The following TLR6 variants were observed in gnomAD, a reference collection of about 807,000 sequenced individuals.
The protein encoded by TLR6 is toll-like receptor 6.
Under a neutral mutation model 16.1 loss-of-function variants are expected in TLR6, and 9 were observed. The ratio of observed to expected loss-of-function variants is 0.56; its 90% confidence interval spans 0.34 to 0.98. The LOEUF (loss-of-function observed/expected upper bound fraction) is 0.98, where lower values mean the gene tolerates loss of function less well. TLR6 is among the 50% of genes least tolerant of loss of function. The probability of loss-of-function intolerance (pLI) is 0.02; values close to 1 mark genes in which losing one functional copy is unlikely to be tolerated. For synonymous variants in TLR6, 340 were observed against 338.6 expected (o/e 1.00, Z -0.04); for missense variants, 786 against 921.0 (o/e 0.85, Z 1.90).
chr4:38,849,676 A>G (rs1712687049), intron 1 of TLR6, among the ~76,000 whole-genome samples: 1 of 152,034 alleles, frequency 6.6e-6, no homozygotes, highest in South Asian at 2.1e-4. Flanking sequence ...CAAAAGAGAC[A>G]AAGAAGGCCA....
intron 1 of TLR6, 55 bp from the exon 2 acceptor site, chr4:38,829,592 C>A (rs1457134046): frequency 1.6e-6 from 1 of 631,914 alleles, no homozygotes; most frequent in Admixed American, 2.8e-5. Flanking sequence ...ACTCTCAAAC[C>A]TCCACTTACT....
At chr4:38,837,775 C>T (rs1364052573) in intron 1 of TLR6, among the ~76,000 whole-genome samples, 1 of 152,086 alleles carries the variant, frequency 6.6e-6, no homozygotes, top group East Asian at 1.9e-4. Context: ...AACTTCTACA[C>T]AGCACAGGAA....
chr4:38,851,099 C>A (rs1430482580), intron 1 of TLR6, among the ~76,000 whole-genome samples: 2 of 152,240 alleles, frequency 1.3e-5, no homozygotes, highest in East Asian at 3.9e-4. Flanking sequence ...TAAATGTAAT[C>A]CAGCATATAA....
At chr4:38,824,518 C>G (rs943515625) in exon 2 of TLR6, 1 of 152,090 alleles carries the variant, frequency 6.6e-6, no homozygotes, top group African/African-American at 2.4e-5. Context: ...ACATTGATAC[C>G]ATTTAAAAAG....
chr4:38,822,944 G>A (rs1727388694), downstream of TLR6, among the ~76,000 whole-genome samples: 1 of 152,196 alleles, frequency 6.6e-6, no homozygotes, highest in Non-Finnish European at 1.5e-5. Context: ...ACAGAGCTGG[G>A]GAAGCCTCAC....
At chr4:38,867,300 T>C in the TLR6 span, among the ~76,000 whole-genome samples, 1 of 152,350 alleles carries the variant, frequency 6.6e-6, no homozygotes, top group South Asian at 2.1e-4. Flanking sequence ...GTGGAATTCC[T>C]AGGCCAAAGC....
the TLR6 span, chr4:38,868,113 A>G: frequency 3.6e-6 from 1 of 274,814 alleles, no homozygotes. Context: ...ACACACCCAC[A>G]CGCCCACACT....
intron 1 of TLR6, among the ~76,000 whole-genome samples, chr4:38,852,699 T>TG (rs1712817898): frequency 6.6e-6 from 1 of 151,016 alleles, no homozygotes; most frequent in African/African-American, 2.4e-5. Flanking sequence ...TCACACCAGT[T>TG]AGAATGGCGA....
intron 1 of TLR6, among the ~76,000 whole-genome samples, chr4:38,844,712 A>C (rs1360109729): frequency 6.6e-6 from 1 of 152,254 alleles, no homozygotes; most frequent in African/African-American, 2.4e-5. Flanking sequence ...AGAAATTATA[A>C]AAGTCATATT....
At position 38,853,147 on chromosome 4, in the gene TLR6, G is replaced by A. The variant is rs531756235; in HGVS notation, c.-65+3614C>T. On this transcript the variant is annotated intron_variant, in intron 1 of 1. Transcript: ENST00000436693. ...TCGCAAGGACAAAAAACCAAACACCGCATGTTCTCACTCATAGGTGGGAAA... is the reference window on the plus strand; with the variant it reads ...TCGCAAGGACAAAAAACCAAACACCACATGTTCTCACTCATAGGTGGGAAA... Among the ~76,000 whole-genome samples, 7 of 147,138 alleles carry A rather than the reference G, an allele frequency of 4.8e-5. No homozygotes were observed. The South Asian group carries it at 1.5e-3, about 32-fold the overall frequency.
chr4:38,867,402 A>C, the TLR6 span, among the ~76,000 whole-genome samples: 23 of 152,296 alleles, frequency 1.5e-4, no homozygotes, highest in African/African-American at 5.5e-4. Context: ...TTTTAAATCT[A>C]TCACACTCCC....
the TLR6 span, chr4:38,867,968 T>C: frequency 2.9e-6 from 1 of 348,776 alleles, no homozygotes. Context: ...CCCTCTGCGT[T>C]AGTGAGAAGC....
chr4:38,838,944 G>T (rs1712083187), intron 1 of TLR6, among the ~76,000 whole-genome samples: 1 of 128,968 alleles, frequency 7.8e-6, no homozygotes. Flanking sequence ...AAGGAAGGAA[G>T]GGAGGAAGGA....
exon 2 of TLR6, chr4:38,829,307 A>G: frequency 1.9e-6 from 3 of 1,614,138 alleles, no homozygotes; most frequent in Non-Finnish European, 2.5e-6. Flanking sequence ...CATATCTAAG[A>G]CTTTGGTTTT....
chr4:38,856,499 C>CA, intron 1 of TLR6, among the ~76,000 whole-genome samples: 1 of 152,136 alleles, frequency 6.6e-6, no homozygotes, highest in East Asian at 1.9e-4. Flanking sequence ...AAATAAATAA[C>CA]ATTAGTTTTG....
intron 1 of TLR6, among the ~76,000 whole-genome samples, chr4:38,837,612 G>A (rs891205804): frequency 6.6e-6 from 1 of 152,168 alleles, no homozygotes; most frequent in Non-Finnish European, 1.5e-5. Context: ...ATGGATTACA[G>A]ACTTAAATGT....
chr4:38,837,926 G>A (rs919048162), intron 1 of TLR6, among the ~76,000 whole-genome samples: 8 of 152,078 alleles, frequency 5.3e-5, no homozygotes, highest in African/African-American at 1.9e-4. Context: ...CTATGAAAAA[G>A]TAGGCATAGG....
chr4:38,842,747 C>T (rs542626988), intron 1 of TLR6, among the ~76,000 whole-genome samples: 19 of 152,360 alleles, frequency 1.2e-4, no homozygotes, highest in African/African-American at 4.6e-4. Context: ...AATCACCTTC[C>T]AGAGGCTCAC....
At chr4:38,827,781 C>T (rs772411747) in exon 2 of TLR6, 2 of 1,614,134 alleles carry the variant, frequency 1.2e-6, no homozygotes, top group African/African-American at 2.7e-5. Context: ...CTATAACTTT[C>T]TGGGTAGTCA....
Sources: gnomAD v4.1 joint callset for allele counts (sites outside exome capture counted in the v4.1 genomes callset) on GRCh38, gnomAD v4.1.1 for gene constraint, MANE v1.5 for transcripts, NCBI Gene and HGNC (gene_info 2026-07-23, HGNC 2026-07-21) for gene names.